Variants in GALNT7 observed in about 807,000 individuals in gnomAD.
GALNT7 encodes the protein N-acetylgalactosaminyltransferase 7.
A neutral mutation model predicts 82.1 loss-of-function variants in GALNT7; 60 were observed. That is an observed-to-expected ratio of 0.73 (90% CI 0.59 to 0.91). The LOEUF (loss-of-function observed/expected upper bound fraction) is 0.91. Among genes scored for constraint, GALNT7 ranks in the 40% least tolerant of loss-of-function variants. The pLI is 0.00. For missense variants in GALNT7, 660 were observed against 804.2 expected (o/e 0.82, Z 2.17); for synonymous variants, 243 against 275.1 (o/e 0.88, Z 1.15).
intron 1 of GALNT7, among the ~76,000 whole-genome samples, chr4:173,180,326 CT>C (rs10687213): frequency 3.2e-4 from 39 of 123,180 alleles, no homozygotes; most frequent in Middle Eastern, 4.7e-3. Context: ...ATTGGAGTTC[CT>C]TTTTTTTTTT....
chr4:173,295,274 A>T, intron 3 of GALNT7, 122 bp from the exon 4 acceptor site: 1 of 671,586 alleles, frequency 1.5e-6, no homozygotes, highest in Non-Finnish European at 2.6e-6. Context: ...TAAAACGTGC[A>T]ATCTGGTCCA....
At chr4:173,225,017 AAAAT>A (rs1733777655) in intron 1 of GALNT7, among the ~76,000 whole-genome samples, 1 of 39,946 alleles carries the variant, frequency 2.5e-5, no homozygotes, top group Non-Finnish European at 6.7e-5. Context: ...TCTGTCTCAA[AAAAT>A]AATAATAATA....
At chr4:173,293,252 TC>T (rs1736604423) in intron 3 of GALNT7, among the ~76,000 whole-genome samples, 1 of 152,118 alleles carries the variant, frequency 6.6e-6, no homozygotes, top group South Asian at 2.1e-4. Flanking sequence ...ATTTTGGACC[TC>T]AGAGTATTCT....
intron 2 of GALNT7, among the ~76,000 whole-genome samples, chr4:173,268,539 T>TG (rs1057216280): frequency 1.7e-5 from 2 of 121,070 alleles, no homozygotes; most frequent in African/African-American, 3.1e-5. Flanking sequence ...CGTTTTTTTT[T>TG]TTTTTTTTTT....
chr4:173,172,054 G>A (rs955224297), intron 1 of GALNT7, among the ~76,000 whole-genome samples: 11 of 152,204 alleles, frequency 7.2e-5, no homozygotes, highest in African/African-American at 2.7e-4. Context: ...GTGAGAGACC[G>A]AGGCAAATTT....
At chr4:173,267,901 A>G (rs1169388251) in intron 2 of GALNT7, among the ~76,000 whole-genome samples, 2 of 152,158 alleles carry the variant, frequency 1.3e-5, no homozygotes, top group Admixed American at 1.3e-4. Context: ...TGTGTGGCAT[A>G]GAGAAGCTTC....
At chr4:173,227,441 C>T (rs1319741594) in intron 1 of GALNT7, among the ~76,000 whole-genome samples, 1 of 152,218 alleles carries the variant, frequency 6.6e-6, no homozygotes. Flanking sequence ...ACGCCATTCT[C>T]CTGCCTCAGC....
At chr4:173,277,032 A>T (rs1164741475) in intron 2 of GALNT7, among the ~76,000 whole-genome samples, 2 of 151,996 alleles carry the variant, frequency 1.3e-5, no homozygotes, top group African/African-American at 2.4e-5. Flanking sequence ...GACGATAGAT[A>T]GATTGATTGA....
At chr4:173,205,985 A>T (rs1489379232) in intron 1 of GALNT7, among the ~76,000 whole-genome samples, 1 of 151,770 alleles carries the variant, frequency 6.6e-6, no homozygotes, top group Non-Finnish European at 1.5e-5. Flanking sequence ...GTGCTGGGAA[A>T]GACTCGGAGG....
At chr4:173,210,378 A>G (rs1733240683) in intron 1 of GALNT7, among the ~76,000 whole-genome samples, 1 of 152,204 alleles carries the variant, frequency 6.6e-6, no homozygotes, top group Non-Finnish European at 1.5e-5. Flanking sequence ...CTAACTGAAA[A>G]ATGGTCACCT....
intron 1 of GALNT7, among the ~76,000 whole-genome samples, chr4:173,183,281 CTTTTTTT>C (rs760189702): frequency 1.4e-5 from 2 of 142,278 alleles, no homozygotes; most frequent in African/African-American, 5.1e-5. Flanking sequence ...ACACGCTGCA[CTTTTTTT>C]TTTTTTTTAA....
At chr4:173,245,494 C>A (rs1431345079) in intron 1 of GALNT7, among the ~76,000 whole-genome samples, 1 of 152,090 alleles carries the variant, frequency 6.6e-6, no homozygotes. Context: ...GCTGTTCCAA[C>A]TACTCTTCTA....
At chr4:173,206,440 A>C (rs2126662679) in intron 1 of GALNT7, among the ~76,000 whole-genome samples, 1 of 152,304 alleles carries the variant, frequency 6.6e-6, no homozygotes, top group African/African-American at 2.4e-5. Flanking sequence ...TGTACTGGAA[A>C]GTCCTATTCC....
chr4:173,212,086 C>A (rs1461908533), intron 1 of GALNT7, among the ~76,000 whole-genome samples: 1 of 152,176 alleles, frequency 6.6e-6, no homozygotes, highest in African/African-American at 2.4e-5. Flanking sequence ...AAGGACAGCA[C>A]ACGTGCTATA....
rs771742945 is a variant in GALNT7, at chr4:173,292,426, A to G, written c.754+152A>G. On this transcript the variant is annotated intron_variant, in intron 3 of 11. Coordinates refer to ENST00000265000, the MANE Select transcript of GALNT7 (RefSeq NM_017423.3). The surrounding 1 kb of genome is among the most constrained non-coding windows in gnomAD (Gnocchi z 4.8). Reference sequence around the variant, plus strand: ...AAGTTGACACTGTGCCAAGCATTGTATGTGAGTTATTTTGTTTAATACTAA... The same window carrying G: ...AAGTTGACACTGTGCCAAGCATTGTGTGTGAGTTATTTTGTTTAATACTAA... The G allele has an allele frequency of 3.5e-6, 2 of 567,670 alleles. No individual in the cohort carries two copies. The highest frequency in any genetic ancestry group is 6.2e-6 in the Non-Finnish European group (2 of 320,046). The allele number at this position is 567,670 out of a possible 1,614,324, so 35.2% of individuals were successfully genotyped here. A position where few individuals can be genotyped will look rare whatever the true frequency, so the allele number is the denominator to read the frequency against.
At position 173,315,376 on chromosome 4, in the gene GALNT7, G is replaced by A. The variant is rs144504034; in HGVS notation, c.1608+1200G>A. Among the ~76,000 whole-genome samples, 286 of 152,242 alleles carry A rather than the reference G, an allele frequency of 1.9e-3. 4 individuals are homozygous for A. The highest frequency in any genetic ancestry group is 3.4e-4 in the Non-Finnish European group (23 of 68,012). On this transcript the variant is annotated intron_variant, in intron 9 of 11. Transcript: ENST00000265000. ...TGGGCATGTGAAGTACCTGCTAGGC[G>A]TCCAGGTAGAGCCATTAAGGCCTAC...
intron 2 of GALNT7, among the ~76,000 whole-genome samples, chr4:173,258,239 T>C (rs181636909): frequency 1.1e-4 from 17 of 152,344 alleles, no homozygotes; most frequent in African/African-American, 4.1e-4. Flanking sequence ...TCTTCTGTCA[T>C]TGTGGTACTA....
rs111385929 is a variant in GALNT7 at position 173,248,150 on chromosome 4, T to A, written c.297T>A (p.Ala99=). The change falls in exon 2 of 12, where the codon GCT becomes GCA. Residue 99 remains alanine (A), a synonymous_variant. Transcript: ENST00000265000. ...CCAAAAATGAACAAGAGCACCATGCTGGAGGAGATTCCCAGAAAGATATCA... is the reference window on the plus strand; with the variant it reads ...CCAAAAATGAACAAGAGCACCATGCAGGAGGAGATTCCCAGAAAGATATCA... The part of the protein sequence containing the change: ...NKAKNEQEHH[A]GGDSQKDIMQ... 8.6e-5 allele frequency: 139 copies of A among 1,613,964 alleles called. No individual in the cohort carries two copies. The Middle Eastern group carries it at 9.9e-4, about 12-fold the overall frequency.
At chr4:173,303,566 A>G (rs7662281) in intron 7 of GALNT7, among the ~76,000 whole-genome samples, 4,185 of 152,326 alleles carry the variant, frequency 0.027, 196 homozygotes, top group African/African-American at 0.093. Flanking sequence ...CCCTTCACCT[A>G]TAATAATCTC....
Sources: gnomAD v4.1 joint callset for allele counts (sites outside exome capture counted in the v4.1 genomes callset) on GRCh38, gnomAD v4.1.1 for gene constraint, Gnocchi (gnomAD v3.1) non-coding constraint, MANE v1.5 for transcripts, NCBI Gene and HGNC (gene_info 2026-07-23, HGNC 2026-07-21) for gene names.